BCHE: variants seen among roughly 807,000 people sequenced by gnomAD.
BCHE encodes the protein butyrylcholinesterase, also known as cholinesterase.
A neutral mutation model predicts 51.3 loss-of-function variants in BCHE; 48 were observed. The observed-to-expected ratio is 0.94, with a 90% CI of 0.74 to 1.19. BCHE has a LOEUF of 1.19. Among genes scored for constraint, BCHE ranks in the 50% most tolerant of loss-of-function variants. BCHE has a pLI of 0.00. For missense variants in BCHE, 847 were observed against 708.2 expected (o/e 1.20, Z -2.23); for synonymous variants, 251 against 238.0 (o/e 1.05, Z -0.50).
chr3:165,821,244 T>C (rs1285863730), intron 2 of BCHE, among the ~76,000 whole-genome samples: 1 of 151,922 alleles, frequency 6.6e-6, no homozygotes, highest in East Asian at 1.9e-4. Flanking sequence ...TAACAAAAAG[T>C]AAATTCAATT....
chr3:165,792,099 G>C (rs3863087), intron 2 of BCHE, among the ~76,000 whole-genome samples: 8,082 of 152,242 alleles, frequency 0.053, 287 homozygotes, highest in Non-Finnish European at 0.079. Flanking sequence ...GAATCTCTGC[G>C]TTTCAATTAG....
chr3:165,803,400 G>T (rs1330426431), intron 2 of BCHE, among the ~76,000 whole-genome samples: 2 of 152,016 alleles, frequency 1.3e-5, no homozygotes, highest in East Asian at 1.9e-4. Context: ...GCTTAATTCT[G>T]CAGTACAGAC....
chr3:165,830,674 A>G lies in BCHE; in HGVS notation c.360T>C (p.Cys120=). ...CTGGAATCCATACATTTAGATATAA[A>G]CAGTCTTCACTGAGGTCAGTGTTTG... ...WNPNTDLSED[C]LYLNVWIPAP... Residue 120 remains cysteine, a synonymous_variant, in exon 2 of 4, where the codon TGT becomes TGC. Transcript: ENST00000264381. 2 of 1,614,014 alleles carry G rather than the reference A, an allele frequency of 1.2e-6. No homozygotes were observed. Among genetic ancestry groups the G allele is most frequent in the Non-Finnish European group, 1.7e-6 (2 of 1,179,952 alleles).
intron 2 of BCHE, among the ~76,000 whole-genome samples, chr3:165,813,747 A>T (rs914873881): frequency 2.6e-5 from 4 of 151,956 alleles, no homozygotes; most frequent in Admixed American, 2.6e-4. Context: ...GTAGATAATC[A>T]TTTATCTGAC....
At chr3:165,785,489 T>A (rs1212428904) in intron 3 of BCHE, among the ~76,000 whole-genome samples, 2 of 151,878 alleles carry the variant, frequency 1.3e-5, no homozygotes, top group Non-Finnish European at 2.9e-5. Context: ...ATTGAGATAA[T>A]AATCTGAACA....
rs1045412725 is a variant in BCHE, at chr3:165,773,113, G to T, written c.*269C>A. ...GAAAAACTTAAATTTATTAAGGAAAGAAAGAAATTGAACCAGGCCATTGTT... is the reference window on the plus strand; with the variant it reads ...GAAAAACTTAAATTTATTAAGGAAATAAAGAAATTGAACCAGGCCATTGTT... On this transcript the variant is annotated 3_prime_UTR_variant, in exon 4 of 4. Coordinates refer to ENST00000264381, the MANE Select transcript of BCHE (RefSeq NM_000055.4). The T allele has an allele frequency of 1.8e-5, 5 of 284,062 alleles. No homozygotes were observed. In the South Asian group the frequency reaches 3.5e-4, roughly 20 times the overall value. The allele number at this position is 284,062 out of a possible 1,614,324, so 17.6% of individuals were successfully genotyped here.
chr3:165,807,549 TTTA>T (rs1713913522), intron 2 of BCHE, among the ~76,000 whole-genome samples: 1 of 150,574 alleles, frequency 6.6e-6, no homozygotes, highest in African/African-American at 2.4e-5. Context: ...TTTATTTATT[TTTA>T]TTTATTTATT....
At chr3:165,834,134 T>C (rs1263155433) in intron 1 of BCHE, among the ~76,000 whole-genome samples, 1 of 152,114 alleles carries the variant, frequency 6.6e-6, no homozygotes, top group Non-Finnish European at 1.5e-5. Flanking sequence ...GTGTTTTGTG[T>C]AATTATGAAA....
At chr3:165,797,790 C>A (rs192242338) in intron 2 of BCHE, among the ~76,000 whole-genome samples, 23 of 152,260 alleles carry the variant, frequency 1.5e-4, no homozygotes, top group Admixed American at 1.1e-3. Flanking sequence ...AGTCTAGGAA[C>A]TGCCAGAAAA....
Sources: allele counts gnomAD v4.1 joint callset (sites outside exome capture counted in the v4.1 genomes callset), GRCh38; gene constraint gnomAD v4.1.1; transcripts MANE v1.5; gene names NCBI Gene and HGNC (gene_info 2026-07-23, HGNC 2026-07-21).